Variants in BRINP1 observed in about 807,000 individuals in gnomAD.
BRINP1 encodes the protein BMP/retinoic acid inducible neural specific 1.
Under a neutral mutation model 72.9 loss-of-function variants are expected in BRINP1, and 17 were observed. The ratio of observed to expected loss-of-function variants is 0.23; its 90% CI spans 0.16 to 0.35. The LOEUF (loss-of-function observed/expected upper bound fraction) is 0.35, where lower values mean the gene tolerates loss of function less well. Among genes scored for constraint, BRINP1 ranks in the 10% least tolerant of loss-of-function variants. The pLI is 1.00. For missense variants in BRINP1, 850 were observed against 1,001.6 expected, an observed-to-expected ratio of 0.85 and a Z score of 2.04; for synonymous variants, 418 against 378.5, an observed-to-expected ratio of 1.10 and a Z score of -1.21.
chr9:119,260,835 G>T (rs976693208), intron 2 of BRINP1, among the ~76,000 whole-genome samples: 1 of 152,050 alleles, frequency 6.6e-6, no homozygotes, highest in Non-Finnish European at 1.5e-5. Context: ...TGGGGTGGGG[G>T]TCGTCTAAAG....
chr9:119,275,436 C>G (rs769611378), intron 2 of BRINP1, among the ~76,000 whole-genome samples: 1 of 152,182 alleles, frequency 6.6e-6, no homozygotes, highest in Non-Finnish European at 1.5e-5. Flanking sequence ...GACCAGCACA[C>G]AGTAGATGCT....
chr9:119,300,317 T>C (rs903468487), intron 2 of BRINP1, among the ~76,000 whole-genome samples: 4 of 152,152 alleles, frequency 2.6e-5, no homozygotes, highest in Admixed American at 6.5e-5. Flanking sequence ...TAACACAAAG[T>C]GACTATAGTA....
intron 1 of BRINP1, among the ~76,000 whole-genome samples, chr9:119,339,885 C>A (rs1564252335): frequency 6.6e-6 from 1 of 152,134 alleles, no homozygotes; most frequent in Non-Finnish European, 1.5e-5. Context: ...GGTTCTGGCT[C>A]CCCAGTGAGT....
intron 2 of BRINP1, among the ~76,000 whole-genome samples, chr9:119,284,184 C>T (rs1178145523): frequency 6.6e-6 from 1 of 152,192 alleles, no homozygotes; most frequent in Non-Finnish European, 1.5e-5. Flanking sequence ...TGAGTTTTCT[C>T]TGGGAAAGCC....
At chr9:119,255,311 C>T (rs1830435039) in intron 2 of BRINP1, among the ~76,000 whole-genome samples, 1 of 152,178 alleles carries the variant, frequency 6.6e-6, no homozygotes, top group African/African-American at 2.4e-5. Context: ...CCCAATTAAG[C>T]ATCCCAGCAG....
At chr9:119,258,428 A>C (rs534512111) in intron 2 of BRINP1, among the ~76,000 whole-genome samples, 3 of 152,222 alleles carry the variant, frequency 2.0e-5, no homozygotes, top group Non-Finnish European at 4.4e-5. Flanking sequence ...TATGAGAGTT[A>C]ATCGTGGGAA....
intron 2 of BRINP1, among the ~76,000 whole-genome samples, chr9:119,291,103 A>C (rs1830817451): frequency 6.7e-6 from 1 of 148,968 alleles, no homozygotes; most frequent in Admixed American, 6.7e-5. Context: ...AGCCAGGGCG[A>C]CAAGAATGAA....
At chr9:119,197,411 A>G (rs1829749922) in intron 7 of BRINP1, among the ~76,000 whole-genome samples, 1 of 152,216 alleles carries the variant, frequency 6.6e-6, no homozygotes, top group African/African-American at 2.4e-5. Flanking sequence ...CATAAGGATT[A>G]CACACATTAA....
Position 119,200,097 on chromosome 9 carries a change from A to G in BRINP1, c.1145+8622T>C, listed in dbSNP as rs951382224. 2.0e-5 allele frequency among the ~76,000 whole-genome samples: 3 copies of G among 152,232 alleles called. No homozygotes were observed. In the South Asian group the frequency reaches 6.2e-4, roughly 32 times the overall value. ...TGTAGAAAGTACATACACTTTATAT[A>G]CGAACACGGAACTCAATTTGCAGAA... On this transcript the variant is annotated intron_variant, in intron 7 of 7. Transcript: ENST00000265922.
At chr9:119,353,001 T>C (rs1831520976) in intron 1 of BRINP1, among the ~76,000 whole-genome samples, 1 of 152,200 alleles carries the variant, frequency 6.6e-6, no homozygotes, top group Non-Finnish European at 1.5e-5. Flanking sequence ...AAAGAAAGAA[T>C]GGCCACTAAA....
chr9:119,167,158 C>A lies in BRINP1; in HGVS notation c.2212G>T (p.Val738Leu). The A allele has an allele frequency of 6.2e-7, 1 of 1,614,130 alleles. No homozygotes were observed. The highest frequency in any genetic ancestry group is 8.5e-7 in the Non-Finnish European group (1 of 1,180,024). The change falls in exon 8 of 8, where the codon GTG becomes TTG. Residue 738 changes from valine to leucine, a missense_variant. By Grantham distance (32) the Val-to-Leu change is conservative (BLOSUM62 1). Transcript: ENST00000265922. The surrounding 1 kb of genome is among the most constrained non-coding windows in gnomAD (Gnocchi z 4.3). The part of the protein sequence containing the change: ...LKLTNSEIIR[V>L]NHALDLYNTE... ...TTGTACAGGTCCAAGGCGTGGTTCA[C>A]CCTGATGATCTCGCTGTTGGTCAGT...
intron 5 of BRINP1, among the ~76,000 whole-genome samples, chr9:119,224,232 G>A (rs961984377): frequency 2.0e-5 from 3 of 151,988 alleles, no homozygotes; most frequent in African/African-American, 7.2e-5. Flanking sequence ...ACATATGCAC[G>A]AGTTTGCATA....
intron 7 of BRINP1, among the ~76,000 whole-genome samples, chr9:119,175,818 T>C (rs1454775452): frequency 1.3e-5 from 2 of 152,104 alleles, no homozygotes; most frequent in Admixed American, 6.5e-5. Flanking sequence ...ACCAATAAAC[T>C]CTTGTGTGTC....
intron 1 of BRINP1, among the ~76,000 whole-genome samples, chr9:119,328,725 T>G (rs1040703902): frequency 6.6e-6 from 1 of 152,116 alleles, no homozygotes; most frequent in Non-Finnish European, 1.5e-5. Context: ...AACAATGTTG[T>G]TGGAGCAAAG....
chr9:119,206,826 C>T (rs1829861987), intron 7 of BRINP1, among the ~76,000 whole-genome samples: 1 of 152,162 alleles, frequency 6.6e-6, no homozygotes, highest in Admixed American at 6.5e-5. Flanking sequence ...AAGGAAGCTT[C>T]TTCAGAGACT....
At chr9:119,179,018 G>C (rs925999875) in intron 7 of BRINP1, among the ~76,000 whole-genome samples, 1 of 152,294 alleles carries the variant, frequency 6.6e-6, no homozygotes, top group African/African-American at 2.4e-5. Flanking sequence ...CCCGACAAGT[G>C]CATAGGGGGA....
In BRINP1 at chr9:119,292,526, G is replaced by A. The variant is rs374046202; in HGVS notation, c.218+20612C>T. On this transcript the variant is annotated intron_variant, in intron 2 of 7. Transcript: ENST00000265922. ...CAGGTTGAATATCTACATAATAAAG[G>A]AATATGTAAACGAATGAATGAAAAC... Among the ~76,000 whole-genome samples, 154 of 152,280 alleles carry A rather than the reference G, an allele frequency of 1.0e-3. 2 individuals are homozygous for A. The highest frequency in any genetic ancestry group is 3.6e-3 in the African/African-American group (149 of 41,560).
chr9:119,341,298 C>T (rs944471594), intron 1 of BRINP1, among the ~76,000 whole-genome samples: 16 of 152,178 alleles, frequency 1.1e-4, no homozygotes, highest in African/African-American at 3.1e-4. Context: ...TAACTTTAAC[C>T]CACATAATGA....
chr9:119,345,698 A>G (rs1270310335), intron 1 of BRINP1, among the ~76,000 whole-genome samples: 1 of 152,214 alleles, frequency 6.6e-6, no homozygotes, highest in South Asian at 2.1e-4. Flanking sequence ...ACTAGTAAGT[A>G]GCAGAGCAGA....
Sources: allele counts gnomAD v4.1 joint callset (sites outside exome capture counted in the v4.1 genomes callset), GRCh38; gene constraint gnomAD v4.1.1; non-coding constraint Gnocchi (gnomAD v3.1); transcripts MANE v1.5; gene names NCBI Gene and HGNC (gene_info 2026-07-23, HGNC 2026-07-21).